Variants in LUZP2 observed in about 807,000 individuals in gnomAD.
LUZP2 encodes the protein leucine zipper protein 2.
A neutral mutation model predicts 51.6 loss-of-function variants in LUZP2; 52 were observed. That is an observed-to-expected ratio of 1.01 (90% CI 0.81 to 1.27). The LOEUF is 1.27. Ranked by LOEUF, LUZP2 falls within the 50% of genes most tolerant of loss-of-function variation. The pLI is 0.00. For synonymous variants in LUZP2, 154 were observed against 137.3 expected (o/e 1.12, Z -0.85); for missense variants, 436 against 395.4 (o/e 1.10, Z -0.87).
intron 1 of LUZP2, among the ~76,000 whole-genome samples, chr11:24,644,320 A>G (rs1276500827): frequency 6.6e-6 from 1 of 152,156 alleles, no homozygotes; most frequent in African/African-American, 2.4e-5. Context: ...ATGGCCTACA[A>G]GAACAGCATG....
chr11:24,601,076 C>T lies in LUZP2; in HGVS notation c.62+103771C>T, dbSNP rs369238207. ...TCTTAGATGAAAAGCAGACCTTTTC[C>T]TTAGGTGAAGACATAAAGGGAAGTC... On this transcript the variant is annotated intron_variant, in intron 1 of 11. Coordinates refer to ENST00000336930, the MANE Select transcript of LUZP2 (RefSeq NM_001009909.4). 6.6e-5 allele frequency among the ~76,000 whole-genome samples: 10 copies of T among 151,956 alleles called. No individual in the cohort carries two copies. The East Asian group carries it at 1.9e-3, about 29-fold the overall frequency.
chr11:24,511,273 G>A (rs1010168101), intron 1 of LUZP2, among the ~76,000 whole-genome samples: 19 of 152,088 alleles, frequency 1.2e-4, no homozygotes, highest in Admixed American at 2.6e-4. Flanking sequence ...CACAACTTAC[G>A]TGAAATGATG....
At chr11:24,520,971 G>A (rs1850620950) in intron 1 of LUZP2, among the ~76,000 whole-genome samples, 1 of 152,196 alleles carries the variant, frequency 6.6e-6, no homozygotes, top group Non-Finnish European at 1.5e-5. Flanking sequence ...ATAGGACAAT[G>A]CGTGTTTTTA....
At chr11:25,072,446 GT>G (rs1859185165) in intron 10 of LUZP2, among the ~76,000 whole-genome samples, 1 of 152,032 alleles carries the variant, frequency 6.6e-6, no homozygotes, top group African/African-American at 2.4e-5. Flanking sequence ...GGCTCTTAGT[GT>G]TGAGGCAATT....
At position 25,029,718 on chromosome 11, in the gene LUZP2, C is replaced by T. The variant is rs139300685; in HGVS notation, c.766-20320C>T. On this transcript the variant is annotated intron_variant, in intron 9 of 11. Coordinates refer to ENST00000336930, the MANE Select transcript of LUZP2 (RefSeq NM_001009909.4). ...AGCCACTGCCCTCCAGCCTGGATTA[C>T]AGAGAGAGACTCTGTCTCAAAAAAA... Among the ~76,000 whole-genome samples the T allele has an allele frequency of 8.0e-3, 1,036 of 129,206 alleles. 16 individuals are homozygous for T. The highest frequency in any genetic ancestry group is 0.029 in the African/African-American group (946 of 32,340). The allele number at this position is 129,206 out of a possible 152,430, so 84.8% of individuals were successfully genotyped here.
intron 5 of LUZP2, among the ~76,000 whole-genome samples, chr11:24,778,669 A>T (rs916574203): frequency 2.6e-5 from 4 of 152,160 alleles, no homozygotes; most frequent in African/African-American, 9.7e-5. Context: ...GGAACATAAA[A>T]AGGAAGAAAG....
intron 1 of LUZP2, among the ~76,000 whole-genome samples, chr11:24,543,204 G>A (rs11027993): frequency 0.19 from 29,100 of 151,874 alleles, 3,438 homozygotes; most frequent in Middle Eastern, 0.34. Flanking sequence ...ACCAGAAAAC[G>A]TGTTTGGTTT....
At chr11:24,699,207 TCAG>T (rs1857345330) in intron 1 of LUZP2, among the ~76,000 whole-genome samples, 1 of 151,822 alleles carries the variant, frequency 6.6e-6, no homozygotes, top group Non-Finnish European at 1.5e-5. Context: ...CTATAAAGCA[TCAG>T]TGATTTAACC....
chr11:25,010,841 C>T (rs1199440965), intron 9 of LUZP2, among the ~76,000 whole-genome samples: 3 of 151,928 alleles, frequency 2.0e-5, no homozygotes, highest in Non-Finnish European at 4.4e-5. Context: ...AGTGAGATAC[C>T]ATCCAAATAA....
chr11:25,053,425 A>T (rs866517130), intron 10 of LUZP2, among the ~76,000 whole-genome samples: 1 of 152,120 alleles, frequency 6.6e-6, no homozygotes, highest in Non-Finnish European at 1.5e-5. Context: ...TATAACTTAC[A>T]TACCATAAAA....
chr11:24,523,904 T>G (rs1850720820), intron 1 of LUZP2, among the ~76,000 whole-genome samples: 1 of 151,826 alleles, frequency 6.6e-6, no homozygotes, highest in African/African-American at 2.4e-5. Flanking sequence ...TAAGGATTTC[T>G]TATTATATTC....
chr11:24,737,526 A>G (rs1858988981), intron 3 of LUZP2, among the ~76,000 whole-genome samples: 1 of 151,850 alleles, frequency 6.6e-6, no homozygotes. Context: ...GCACAGAAAG[A>G]TAATATGATG....
chr11:24,771,191 A>G (rs933356646), intron 5 of LUZP2, among the ~76,000 whole-genome samples: 6 of 151,732 alleles, frequency 4.0e-5, no homozygotes, highest in African/African-American at 1.5e-4. Context: ...TGCAGAATCT[A>G]GTCCTCATAA....
At chr11:24,503,996 G>A (rs575377403) in intron 1 of LUZP2, among the ~76,000 whole-genome samples, 5 of 152,160 alleles carry the variant, frequency 3.3e-5, no homozygotes, top group East Asian at 1.9e-4. Flanking sequence ...AGAATGAGCT[G>A]GCCTAAATAA....
At chr11:24,589,348 T>A (rs1853183050) in intron 1 of LUZP2, among the ~76,000 whole-genome samples, 1 of 152,174 alleles carries the variant, frequency 6.6e-6, no homozygotes, top group South Asian at 2.1e-4. Context: ...ATAAGTGATA[T>A]GATGTGTAGA....
chr11:25,062,457 G>A (rs796594563), intron 10 of LUZP2, among the ~76,000 whole-genome samples: 3 of 149,520 alleles, frequency 2.0e-5, no homozygotes, highest in Non-Finnish European at 3.0e-5. Context: ...GCATGTGGTG[G>A]CATTTGCCTG....
intron 7 of LUZP2, among the ~76,000 whole-genome samples, chr11:24,956,910 C>T (rs1855227017): frequency 1.3e-5 from 2 of 151,956 alleles, no homozygotes; most frequent in African/African-American, 4.8e-5. Context: ...AAAGTGCTTT[C>T]CAATTCATGG....
intron 5 of LUZP2, among the ~76,000 whole-genome samples, chr11:24,815,647 G>C (rs1029554157): frequency 9.2e-5 from 14 of 152,150 alleles, no homozygotes; most frequent in African/African-American, 3.4e-4. Context: ...AGTAAGAACA[G>C]ATGGGTTGGG....
intron 9 of LUZP2, among the ~76,000 whole-genome samples, chr11:25,033,902 T>A (rs1170847915): frequency 3.3e-5 from 5 of 152,136 alleles, no homozygotes; most frequent in Admixed American, 6.6e-5. Context: ...AGTACCTGTG[T>A]CTTTTTGGTA....
Sources: allele counts gnomAD v4.1 joint callset (sites outside exome capture counted in the v4.1 genomes callset), GRCh38; gene constraint gnomAD v4.1.1; transcripts MANE v1.5; gene names NCBI Gene and HGNC (gene_info 2026-07-23, HGNC 2026-07-21).